Variants in LRRIQ1 observed in about 807,000 individuals in gnomAD.
The protein encoded by LRRIQ1 is leucine-rich repeat- and IQ domain-containing protein 1.
In LRRIQ1, 210 loss-of-function variants were observed where a neutral mutation model predicts 211.9. The ratio of observed to expected loss-of-function variants is 0.99; its 90% CI spans 0.89 to 1.11. The LOEUF (loss-of-function observed/expected upper bound fraction) is 1.11, where lower values mean the gene tolerates loss of function less well. Ranked by LOEUF, LRRIQ1 falls within the 50% of genes most tolerant of loss-of-function variation. The pLI is 0.00. For synonymous variants in LRRIQ1, 699 were observed against 650.1 expected, an observed-to-expected ratio of 1.08 and a Z score of -1.14; for missense variants, 2,136 against 1,939.5, an observed-to-expected ratio of 1.10 and a Z score of -1.90.
intron 8 of LRRIQ1, among the ~76,000 whole-genome samples, chr12:85,062,311 A>G (rs1476990721): frequency 6.6e-6 from 1 of 151,860 alleles, no homozygotes; most frequent in African/African-American, 2.4e-5. Context: ...GGTAGTGAGC[A>G]TAGTACCCAG....
chr12:85,211,388 T>C (rs1350496763), intron 24 of LRRIQ1, among the ~76,000 whole-genome samples: 1 of 152,168 alleles, frequency 6.6e-6, no homozygotes, highest in African/African-American at 2.4e-5. Flanking sequence ...TGTCGTAGTT[T>C]TAAGGAACAC....
intron 13 of LRRIQ1, among the ~76,000 whole-genome samples, chr12:85,101,438 C>T (rs1886336790): frequency 6.6e-6 from 1 of 151,774 alleles, no homozygotes; most frequent in Non-Finnish European, 1.5e-5. Flanking sequence ...AAAGTGGAAA[C>T]TATTACCCAT....
At chr12:85,177,207 A>G (rs1468387513) in intron 24 of LRRIQ1, among the ~76,000 whole-genome samples, 1 of 152,154 alleles carries the variant, frequency 6.6e-6, no homozygotes, top group African/African-American at 2.4e-5. Context: ...TTATTCTACC[A>G]GTACATGTTT....
At chr12:85,266,460 C>A (rs1896422652), downstream of LRRIQ1, among the ~76,000 whole-genome samples, 1 of 152,112 alleles carries the variant, frequency 6.6e-6, no homozygotes, top group Non-Finnish European at 1.5e-5. Flanking sequence ...CACTTCCTGA[C>A]AACCACTCAC....
chr12:85,089,522 C>G (rs1417299327), intron 11 of LRRIQ1, among the ~76,000 whole-genome samples: 2 of 152,116 alleles, frequency 1.3e-5, no homozygotes, highest in African/African-American at 2.4e-5. Flanking sequence ...AAATGAGAAA[C>G]TTATGGGGAA....
At chr12:85,222,840 G>A (rs1231408505) in intron 24 of LRRIQ1, among the ~76,000 whole-genome samples, 1 of 152,082 alleles carries the variant, frequency 6.6e-6, no homozygotes, top group African/African-American at 2.4e-5. Flanking sequence ...AGGTAAGAAA[G>A]GTACCCTTAC....
chr12:85,106,687 C>A, intron 15 of LRRIQ1, 72 bp downstream of exon 15: 2 of 1,009,882 alleles, frequency 2.0e-6, no homozygotes, highest in Admixed American at 2.1e-5. Context: ...TAAAAATTGT[C>A]CTGTGAATAA....
rs376986729 is a variant in LRRIQ1 at position 85,118,774 on chromosome 12, T to C, written c.3378-2923T>C. Among the ~76,000 whole-genome samples the C allele has an allele frequency of 8.1e-4, 124 of 152,294 alleles. 4 individuals carry two copies. In the South Asian group the frequency reaches 0.025, roughly 31 times the overall value. On this transcript the variant is annotated intron_variant, in intron 15 of 26. Coordinates refer to ENST00000393217, the MANE Select transcript of LRRIQ1 (RefSeq NM_001079910.2). ...GGTAGAGATCTGCCTGAAGTTTTAT[T>C]TCTTAAATCTTAACATTTTAATAAT... is the stretch of plus-strand genomic sequence containing the variant.
chr12:85,118,669 G>A (rs899964024), intron 15 of LRRIQ1, among the ~76,000 whole-genome samples: 1 of 151,796 alleles, frequency 6.6e-6, no homozygotes, highest in Non-Finnish European at 1.5e-5. Context: ...CACTTCTTTT[G>A]TAATACATAT....
At chr12:85,042,657 G>A (rs1025895452) in intron 3 of LRRIQ1, among the ~76,000 whole-genome samples, 6 of 149,452 alleles carry the variant, frequency 4.0e-5, no homozygotes, top group Non-Finnish European at 7.4e-5. Flanking sequence ...TTTGTTACAC[G>A]GGATGATAGT....
intron 12 of LRRIQ1, 78 bp downstream of exon 12, chr12:85,098,626 A>C: frequency 8.4e-7 from 1 of 1,185,936 alleles, no homozygotes; most frequent in Non-Finnish European, 1.2e-6. Flanking sequence ...ACATATTAAA[A>C]GCAATTTTGA....
At chr12:85,126,991 G>T (rs749518994) in intron 17 of LRRIQ1, among the ~76,000 whole-genome samples, 20 of 152,100 alleles carry the variant, frequency 1.3e-4, no homozygotes, top group Non-Finnish European at 2.6e-4. Context: ...GATAGGTCAA[G>T]AATTACTAAT....
intron 24 of LRRIQ1, among the ~76,000 whole-genome samples, chr12:85,198,573 A>ATT (rs33992762): frequency 0.28 from 41,493 of 147,006 alleles, 6,919 homozygotes; most frequent in African/African-American, 0.46. Flanking sequence ...CATGTTAAGC[A>ATT]TTTTTTTTTT....
intron 19 of LRRIQ1, among the ~76,000 whole-genome samples, chr12:85,148,638 G>A (rs867782555): frequency 5.9e-5 from 9 of 151,900 alleles, no homozygotes; most frequent in African/African-American, 1.9e-4. Context: ...TTAGTAGAAT[G>A]ATTTATATTC....
rs377561832 is a variant in LRRIQ1, at chr12:85,141,383, C to G, written c.4329+3414C>G. Among the ~76,000 whole-genome samples, 6 of 151,258 alleles carry G rather than the reference C, an allele frequency of 4.0e-5. No individual in the cohort carries two copies. The East Asian group carries it at 7.8e-4, about 20-fold the overall frequency. On this transcript the variant is annotated intron_variant, in intron 19 of 26. Coordinates refer to ENST00000393217, the MANE Select transcript of LRRIQ1 (RefSeq NM_001079910.2). ...TCTCTTACTCTGCTGGTGGATTTCTCTAAATTGGCTTTTATTTCTGTCACA... is the reference window on the plus strand; with the variant it reads ...TCTCTTACTCTGCTGGTGGATTTCTGTAAATTGGCTTTTATTTCTGTCACA...
At chr12:85,198,480 T>A (rs1893118968) in intron 24 of LRRIQ1, among the ~76,000 whole-genome samples, 1 of 152,100 alleles carries the variant, frequency 6.6e-6, no homozygotes, top group Non-Finnish European at 1.5e-5. Context: ...TGTTATTTTT[T>A]TGACTTTTTA....
chr12:85,206,019 A>G (rs1893526176), intron 24 of LRRIQ1, among the ~76,000 whole-genome samples: 1 of 152,118 alleles, frequency 6.6e-6, no homozygotes, highest in South Asian at 2.1e-4. Flanking sequence ...GTGTTCCTGG[A>G]CCACTGGCCG....
chr12:85,065,398 A>G lies in LRRIQ1; in HGVS notation c.2528A>G (p.Lys843Arg). The stretch of plus-strand genomic sequence containing the variant: ...AGCCTGAGTAATTGTAAAAAACTTA[A>G]GTACATTGATGCACAGGTATGCTCT... ...LHSLSNCKKL[K>R]YIDAQENHIE... The change falls in exon 9 of 27, where the codon AAG becomes AGG. Residue 843 changes from lysine (K) to arginine (R), a missense_variant. Physicochemically the swap from Lys to Arg is conservative, Grantham distance 26. Coordinates refer to ENST00000393217, the MANE Select transcript of LRRIQ1 (RefSeq NM_001079910.2). 1 of 1,608,934 alleles carries G rather than the reference A, an allele frequency of 6.2e-7. No homozygotes were observed. Among genetic ancestry groups the G allele is most frequent in the Non-Finnish European group, 8.5e-7 (1 of 1,177,038 alleles).
In LRRIQ1 at chr12:85,044,798, C is replaced by A. The variant is rs1008358667; in HGVS notation, c.325C>A (p.Gln109Lys). ...LSTEYEESSE[Q>K]LIKILSEIEK... ...AACTGAATATGAAGAAAGTTCAGAG[C>A]AATTAATTAAGGTATATATTCAATA... The change falls in exon 4 of 27, where the codon CAA (glutamine) becomes AAA (lysine). Residue 109 changes from glutamine (Q) to lysine (K), a missense_variant. Transcript: ENST00000393217. 2 of 1,455,954 alleles carry A rather than the reference C, an allele frequency of 1.4e-6. No homozygotes were observed. The highest frequency in any genetic ancestry group is 9.6e-7 in the Non-Finnish European group (1 of 1,044,114). The allele number at this position is 1,455,954 out of a possible 1,614,324, so 90.2% of individuals were successfully genotyped here.
Sources: gnomAD v4.1 joint callset for allele counts (sites outside exome capture counted in the v4.1 genomes callset) on GRCh38, gnomAD v4.1.1 for gene constraint, MANE v1.5 for transcripts, NCBI Gene and HGNC (gene_info 2026-07-23, HGNC 2026-07-21) for gene names.